Variants in FAM222B observed in about 807,000 individuals in gnomAD.
The protein encoded by FAM222B is family with sequence similarity 222 member B.
In FAM222B, 12 loss-of-function variants were observed where a neutral mutation model predicts 38.0. The observed-to-expected ratio is 0.32, with a 90% CI of 0.20 to 0.51. The LOEUF is 0.51. Among genes scored for constraint, FAM222B ranks in the 20% least tolerant of loss-of-function variants. FAM222B has a pLI of 0.97. For synonymous variants in FAM222B, 329 were observed against 317.2 expected (o/e 1.04, Z -0.40); for missense variants, 716 against 754.2 (o/e 0.95, Z 0.59).
intron 1 of FAM222B, among the ~76,000 whole-genome samples, chr17:28,809,112 G>A (rs754036594): frequency 6.6e-6 from 1 of 152,130 alleles, no homozygotes; most frequent in Non-Finnish European, 1.5e-5. Context: ...CCAGCACTGT[G>A]GAAGGCCGAG....
At chr17:28,796,925 T>C (rs1197515197) in intron 1 of FAM222B, among the ~76,000 whole-genome samples, 1 of 151,836 alleles carries the variant, frequency 6.6e-6, no homozygotes, top group African/African-American at 2.4e-5. Flanking sequence ...CAGATGTCTA[T>C]TTAGAATAAA....
chr17:28,775,617 C>T (rs371352315), intron 1 of FAM222B, among the ~76,000 whole-genome samples: 47 of 152,152 alleles, frequency 3.1e-4, no homozygotes, highest in African/African-American at 1.1e-3. Flanking sequence ...TGGTGGCTCA[C>T]ACCTGGAATC....
rs151023669 is a variant in FAM222B, at chr17:28,854,634, C to A, written c.-41+316G>T. Among the ~76,000 whole-genome samples the A allele has an allele frequency of 1.9e-3, 292 of 152,282 alleles. 2 individuals are homozygous for A. Among genetic ancestry groups the A allele is most frequent in the Middle Eastern group, 3.4e-3 (1 of 294 alleles). The stretch of plus-strand genomic sequence containing the variant: ...GGAAAGGACTAGGAACAAACAACAA[C>A]AAAACCCTTACGGGGACAGGCGGAA... On this transcript the variant is annotated intron_variant, in intron 1 of 2. Coordinates refer to the FAM222B transcript ENST00000577513.
intron 1 of FAM222B, among the ~76,000 whole-genome samples, chr17:28,820,052 T>G (rs1425310277): frequency 6.6e-6 from 1 of 152,150 alleles, no homozygotes; most frequent in Non-Finnish European, 1.5e-5. Context: ...TGCATAAAGC[T>G]AAAAAAACTT....
intron 1 of FAM222B, among the ~76,000 whole-genome samples, chr17:28,848,038 G>T (rs2039157655): frequency 6.6e-6 from 1 of 152,192 alleles, no homozygotes; most frequent in Non-Finnish European, 1.5e-5. Flanking sequence ...ACTTTGGAAG[G>T]CTGAGGTGGG....
chr17:28,806,375 G>T (rs1460687002), intron 1 of FAM222B, among the ~76,000 whole-genome samples: 1 of 152,054 alleles, frequency 6.6e-6, no homozygotes, highest in Non-Finnish European at 1.5e-5. Flanking sequence ...TTTCAGTTAG[G>T]CCGCAATGTA....
intron 1 of FAM222B, among the ~76,000 whole-genome samples, chr17:28,831,350 C>CAA (rs2038661616): frequency 6.6e-6 from 1 of 151,540 alleles, no homozygotes; most frequent in Non-Finnish European, 1.5e-5. Context: ...ATCCTTCTGC[C>CAA]AATACCACAC....
At chr17:28,776,075 C>CAA (rs564594488) in intron 1 of FAM222B, among the ~76,000 whole-genome samples, 4 of 81,290 alleles carry the variant, frequency 4.9e-5, no homozygotes, top group African/African-American at 9.0e-5. Context: ...GACTTTGTCT[C>CAA]AAAAAAAAAA....
upstream of FAM222B, among the ~76,000 whole-genome samples, chr17:28,847,782 C>T (rs1368417893): frequency 1.3e-5 from 2 of 151,518 alleles, no homozygotes. Context: ...GGCGCCATGG[C>T]GGGCGCCTAT....
Position 28,766,884 on chromosome 17 carries a change from A to G in FAM222B, c.-40-177T>C. The G allele has an allele frequency of 1.3e-5, 7 of 539,986 alleles. No individual in the cohort carries two copies. The South Asian group carries it at 1.6e-4, about 12-fold the overall frequency. The allele number at this position is 539,986 out of a possible 1,614,324, so 33.4% of individuals were successfully genotyped here. A position where few individuals can be genotyped will look rare whatever the true frequency, so the allele number is the denominator to read the frequency against. On this transcript the variant is annotated intron_variant, in intron 1 of 2. Coordinates refer to ENST00000581407, the MANE Select transcript of FAM222B (RefSeq NM_001077498.3). ...TATCTGTGACGACAATTTGCTGTCA[A>G]ATATCACTATGGTTAAAATGATTTT...
At chr17:28,791,988 A>C (rs1416587130) in intron 1 of FAM222B, among the ~76,000 whole-genome samples, 1 of 151,026 alleles carries the variant, frequency 6.6e-6, no homozygotes, top group Non-Finnish European at 1.5e-5. Context: ...ACCACCCTGG[A>C]TAGCAAAGTG....
chr17:28,759,736 G>C lies in FAM222B; in HGVS notation c.223C>G (p.Arg75Gly). 2.5e-6 allele frequency: 4 copies of C among 1,613,784 alleles called. No individual in the cohort carries two copies. Among genetic ancestry groups the C allele is most frequent in the Non-Finnish European group, 3.4e-6 (4 of 1,179,820 alleles). Residue 75 changes from arginine to glycine, a missense_variant, in exon 3 of 3, where the codon CGT becomes GGT. Coordinates refer to ENST00000581407, the MANE Select transcript of FAM222B (RefSeq NM_001077498.3). The surrounding 1 kb of genome is among the most constrained non-coding windows in gnomAD (Gnocchi z 4.8). ...GTGTCGAGGCCGTTCACAGTACGAC[G>C]AACGTGTTTCCGCTGGGGAACCTTC... ...SVKVPQRKHV[R>G]RTVNGLDTSA...
At chr17:28,835,154 T>C (rs1266454064) in intron 1 of FAM222B, among the ~76,000 whole-genome samples, 2 of 151,816 alleles carry the variant, frequency 1.3e-5, no homozygotes. Context: ...CAAGCAATTC[T>C]CAATCCTAGC....
At chr17:28,805,160 C>A (rs1024976882) in intron 1 of FAM222B, among the ~76,000 whole-genome samples, 11 of 152,120 alleles carry the variant, frequency 7.2e-5, no homozygotes, top group African/African-American at 2.7e-4. Context: ...GAGTTTGGGA[C>A]CAACCTGGAC....
rs1567838892 is a variant in FAM222B, at chr17:28,790,895, T to TTTC, written c.-40-24189_-40-24188insGAA. Among the ~76,000 whole-genome samples, 13 of 99,418 alleles carry TTTC rather than the reference T, an allele frequency of 1.3e-4. 2 individuals are homozygous for TTTC. Among genetic ancestry groups the TTTC allele is most frequent in the Non-Finnish European group, 1.9e-4 (9 of 46,226 alleles). The allele number at this position is 99,418 out of a possible 152,430, so 65.2% of individuals were successfully genotyped here. On this transcript the variant is annotated intron_variant, in intron 1 of 2. Coordinates refer to ENST00000581407, the MANE Select transcript of FAM222B (RefSeq NM_001077498.3). Reference sequence around the variant, plus strand: ...TTCAAATTGTTTCACTTTTTTTTTTTTTTTTTTTTTTTTTTTTTTTAGAGA... The same window carrying TTTC: ...TTCAAATTGTTTCACTTTTTTTTTTTTTCTTTTTTTTTTTTTTTTTTTTAGAGA...
At chr17:28,792,350 G>A (rs994951945) in intron 1 of FAM222B, among the ~76,000 whole-genome samples, 2 of 150,414 alleles carry the variant, frequency 1.3e-5, no homozygotes, top group Non-Finnish European at 1.5e-5. Flanking sequence ...TTGTGGTGGT[G>A]TGTGCCTGCA....
upstream of FAM222B, among the ~76,000 whole-genome samples, chr17:28,843,136 GTC>G (rs770534717): frequency 2.9e-4 from 41 of 139,372 alleles, no homozygotes; most frequent in East Asian, 6.2e-4. Context: ...ATAAATTTGG[GTC>G]TTTTTTTTTT....
Position 28,759,768 on chromosome 17 carries a change from T to G in FAM222B, c.191A>C (p.Asn64Thr), listed in dbSNP as rs1209986862. The G allele has an allele frequency of 4.3e-6, 7 of 1,613,466 alleles. No homozygotes were observed. In the South Asian group the frequency reaches 7.7e-5, roughly 18 times the overall value. ...NNPLTIKIFP[N>T]SVKVPQRKHV... ...TTTCCGCTGGGGAACCTTCACACTG[T>G]TGGGGAAGATTTTTATAGTCAGTGG... The change falls in exon 3 of 3, where the codon AAC (asparagine) becomes ACC (threonine). Residue 64 changes from asparagine to threonine, a missense_variant. Coordinates refer to ENST00000581407, the MANE Select transcript of FAM222B (RefSeq NM_001077498.3). This position sits in a 1 kb window ranked among gnomAD's most constrained non-coding sequence, Gnocchi z 4.8.
At chr17:28,818,454 G>A (rs1056741909) in intron 1 of FAM222B, among the ~76,000 whole-genome samples, 5 of 151,650 alleles carry the variant, frequency 3.3e-5, no homozygotes, top group Non-Finnish European at 7.4e-5. Context: ...CGTGAACCTG[G>A]GAGGCGGAGC....
Sources: allele counts gnomAD v4.1 joint callset (sites outside exome capture counted in the v4.1 genomes callset), GRCh38; gene constraint gnomAD v4.1.1; non-coding constraint Gnocchi (gnomAD v3.1); transcripts MANE v1.5; gene names NCBI Gene and HGNC (gene_info 2026-07-23, HGNC 2026-07-21).